SEPTIN7: variants seen among roughly 807,000 people sequenced by gnomAD.
The protein encoded by SEPTIN7 is septin 7, also known as septin-7.
Under a neutral mutation model 63.3 loss-of-function variants are expected in SEPTIN7, and 10 were observed. That is an observed-to-expected ratio of 0.16 (90% confidence interval 0.10 to 0.27). The LOEUF (loss-of-function observed/expected upper bound fraction) is 0.27. Among genes scored for constraint, SEPTIN7 ranks in the 10% least tolerant of loss-of-function variants. The pLI is 1.00. For missense variants in SEPTIN7, 310 were observed against 521.0 expected (o/e 0.59, Z 3.94); for synonymous variants, 131 against 165.3 (o/e 0.79, Z 1.59).
intron 4 of SEPTIN7, among the ~76,000 whole-genome samples, chr7:35,869,375 A>G (rs111756221): frequency 6.2e-4 from 95 of 152,258 alleles, no homozygotes; most frequent in African/African-American, 2.0e-3. Context: ...AACATGTAAG[A>G]TGATATTTGT....
chr7:35,867,096 G>A (rs1226518580), intron 4 of SEPTIN7, among the ~76,000 whole-genome samples: 2 of 151,990 alleles, frequency 1.3e-5, no homozygotes, highest in Admixed American at 1.3e-4. Flanking sequence ...TTTTACCTTA[G>A]TTCTTTCAGA....
rs1365679367 is a variant in SEPTIN7, at chr7:35,864,816, T to C, written c.276+1158T>C. On this transcript the variant is annotated intron_variant, in intron 4 of 13. Coordinates refer to ENST00000350320, the MANE Select transcript of SEPTIN7 (RefSeq NM_001788.6). ...GGCAAGTGAACAGTTCTGGCTGGAG[T>C]TGGCTTCATTCAGGCAGTGATGCTT... Among the ~76,000 whole-genome samples the C allele has an allele frequency of 2.0e-5, 3 of 152,076 alleles. No homozygotes were observed. The East Asian group carries it at 5.8e-4, about 29-fold the overall frequency.
At chr7:35,835,224 G>A (rs915929833) in intron 3 of SEPTIN7, among the ~76,000 whole-genome samples, 5 of 152,124 alleles carry the variant, frequency 3.3e-5, no homozygotes, top group African/African-American at 4.8e-5. Context: ...GCCTCAGTTG[G>A]AGATTATTAT....
At chr7:35,851,936 G>A (rs1035189590) in intron 3 of SEPTIN7, among the ~76,000 whole-genome samples, 7 of 152,060 alleles carry the variant, frequency 4.6e-5, no homozygotes, top group African/African-American at 1.7e-4. Flanking sequence ...GTACCCTTTA[G>A]TGTCAATAAA....
At chr7:35,827,071 G>A (rs981959468) in intron 1 of SEPTIN7, among the ~76,000 whole-genome samples, 7 of 152,112 alleles carry the variant, frequency 4.6e-5, no homozygotes, top group South Asian at 2.1e-4. Flanking sequence ...TGGAGTTACC[G>A]TAGTTTGATT....
intron 7 of SEPTIN7, among the ~76,000 whole-genome samples, chr7:35,880,660 T>A (rs62452859): frequency 0.52 from 78,352 of 151,734 alleles, 21,932 homozygotes; most frequent in Admixed American, 0.63. Context: ...TTTTCTCTTT[T>A]GCTGCTTATT....
At chr7:35,817,256 T>C (rs1789129475) in intron 1 of SEPTIN7, among the ~76,000 whole-genome samples, 1 of 152,106 alleles carries the variant, frequency 6.6e-6, no homozygotes, top group South Asian at 2.1e-4. Context: ...GAGTCATTCT[T>C]TTGTATGTGG....
chr7:35,897,319 TCAAAG>T (rs1400780471), intron 11 of SEPTIN7, among the ~76,000 whole-genome samples: 1 of 152,160 alleles, frequency 6.6e-6, no homozygotes, highest in African/African-American at 2.4e-5. Flanking sequence ...TCAGAGATTC[TCAAAG>T]CAAAGAGCCC....
chr7:35,851,072 T>G (rs938118402), intron 3 of SEPTIN7, among the ~76,000 whole-genome samples: 1 of 152,124 alleles, frequency 6.6e-6, no homozygotes, highest in African/African-American at 2.4e-5. Context: ...CTTCAAAACC[T>G]TATAAACAAA....
chr7:35,890,925 A>C, intron 11 of SEPTIN7, 132 bp downstream of exon 11: 1 of 708,548 alleles, frequency 1.4e-6, no homozygotes, highest in Non-Finnish European at 2.0e-6. Context: ...CAGCAGCATA[A>C]ATTTATATTG....
At chr7:35,883,803 C>G in intron 8 of SEPTIN7, 88 bp from the exon 9 acceptor site, 3 of 546,548 alleles carry the variant, frequency 5.5e-6, no homozygotes, top group Non-Finnish European at 8.8e-6. Flanking sequence ...TTTTTTTTGG[C>G]TAACCTGTTG....
rs1459835801 is a variant in SEPTIN7, at chr7:35,879,693, A to G, written c.513-130A>G. 37 of 638,414 alleles carry G rather than the reference A, an allele frequency of 5.8e-5. 1 individual carries two copies. In the Admixed American group the frequency reaches 6.4e-4, roughly 11 times the overall value. The allele number at this position is 638,414 out of a possible 1,614,324, so 39.5% of individuals were successfully genotyped here. A position where few individuals can be genotyped will look rare whatever the true frequency, so the allele number is the denominator to read the frequency against. On this transcript the variant is annotated intron_variant, in intron 6 of 13. Coordinates refer to ENST00000350320, the MANE Select transcript of SEPTIN7 (RefSeq NM_001788.6). The stretch of plus-strand genomic sequence containing the variant: ...TGTTCTACCTAACTTTTGCTGGCCT[A>G]ATACATCTTCAGAGTGTTTCTGATA...
At chr7:35,844,614 T>A (rs1784565330) in intron 3 of SEPTIN7, among the ~76,000 whole-genome samples, 1 of 152,164 alleles carries the variant, frequency 6.6e-6, no homozygotes. Context: ...AGTCTTTTTT[T>A]TTTGAGACGG....
chr7:35,874,601 C>G (rs1786356555), intron 6 of SEPTIN7, among the ~76,000 whole-genome samples: 1 of 152,104 alleles, frequency 6.6e-6, no homozygotes, highest in South Asian at 2.1e-4. Flanking sequence ...TTATCTAACA[C>G]TCACATTACA....
intron 11 of SEPTIN7, among the ~76,000 whole-genome samples, 173 bp downstream of exon 11, chr7:35,890,966 G>C (rs1787604175): frequency 1.3e-5 from 2 of 152,182 alleles, no homozygotes; most frequent in Non-Finnish European, 1.5e-5. Flanking sequence ...AAGCTTTTTT[G>C]AATGAACCAT....
intron 2 of SEPTIN7, among the ~76,000 whole-genome samples, chr7:35,832,373 C>T (rs1315408812): frequency 1.3e-5 from 2 of 151,932 alleles, no homozygotes; most frequent in African/African-American, 4.8e-5. Flanking sequence ...AATCTCATGC[C>T]TGTGGTATAA....
At chr7:35,831,590 AGGTTTAAT>A in intron 2 of SEPTIN7, 94 bp downstream of exon 2, 1 of 351,336 alleles carries the variant, frequency 2.8e-6, no homozygotes, top group Non-Finnish European at 5.5e-6. Flanking sequence ...AGGAAACCTT[AGGTTTAAT>A]GCATATTTCT....
intron 3 of SEPTIN7, among the ~76,000 whole-genome samples, chr7:35,858,886 G>A (rs1785354568): frequency 6.6e-6 from 1 of 150,962 alleles, no homozygotes; most frequent in Admixed American, 6.6e-5. Flanking sequence ...TACCATGTTG[G>A]TCAGGCTGGT....
chr7:35,890,870 T>A (rs1325805364), intron 11 of SEPTIN7, 77 bp downstream of exon 11: 2 of 1,234,620 alleles, frequency 1.6e-6, no homozygotes, highest in African/African-American at 3.1e-5. Flanking sequence ...TCATTAAATT[T>A]CTTCTGGCTA....
Sources: allele counts gnomAD v4.1 joint callset (sites outside exome capture counted in the v4.1 genomes callset), GRCh38; gene constraint gnomAD v4.1.1; transcripts MANE v1.5; gene names NCBI Gene and HGNC (gene_info 2026-07-23, HGNC 2026-07-21).